TNS1: variants seen among roughly 807,000 people sequenced by gnomAD.
The protein encoded by TNS1 is tensin 1.
A neutral mutation model predicts 168.6 loss-of-function variants in TNS1; 62 were observed. That is an observed-to-expected ratio of 0.37 (90% CI 0.30 to 0.45). The LOEUF (loss-of-function observed/expected upper bound fraction) is 0.45. Ranked by LOEUF, TNS1 falls within the 20% of genes least tolerant of loss-of-function variation. The pLI is 1.00. For synonymous variants in TNS1, 934 were observed against 933.2 expected (o/e 1.00, Z -0.02); for missense variants, 2,240 against 2,339.4 (o/e 0.96, Z 0.88).
chr2:217,863,198 G>A (rs1368991962), intron 18 of TNS1, among the ~76,000 whole-genome samples: 1 of 152,166 alleles, frequency 6.6e-6, no homozygotes, highest in Non-Finnish European at 1.5e-5. Flanking sequence ...AGAACAGAAG[G>A]AGGAAACAGA....
chr2:217,955,224 G>A (rs1034102789), intron 3 of TNS1, among the ~76,000 whole-genome samples: 7 of 152,216 alleles, frequency 4.6e-5, no homozygotes, highest in Non-Finnish European at 7.3e-5. Context: ...CACGCCCGCA[G>A]TGCCAACTGG....
intron 3 of TNS1, among the ~76,000 whole-genome samples, chr2:217,936,194 GTTCA>G (rs201770583): frequency 0.011 from 1,643 of 152,178 alleles, 31 homozygotes; most frequent in African/African-American, 0.037. Context: ...ACTCCTGTTC[GTTCA>G]TTCATTCATT....
chr2:218,016,189 C>A (rs1028953660), intron 1 of TNS1, among the ~76,000 whole-genome samples: 2 of 152,170 alleles, frequency 1.3e-5, no homozygotes, highest in Non-Finnish European at 2.9e-5. Flanking sequence ...GCCCACTGGC[C>A]AGTCTGCTCC....
chr2:217,838,456 CA>C (rs1221472496), intron 19 of TNS1, among the ~76,000 whole-genome samples: 1 of 152,242 alleles, frequency 6.6e-6, no homozygotes, highest in Non-Finnish European at 1.5e-5. Flanking sequence ...CTCTCTCCAT[CA>C]CCACCAGAAT....
At chr2:217,844,624 T>G (rs929104749) in intron 19 of TNS1, among the ~76,000 whole-genome samples, 2 of 152,222 alleles carry the variant, frequency 1.3e-5, no homozygotes, top group African/African-American at 4.8e-5. Flanking sequence ...AAAACCACAC[T>G]TAACACTGCC....
intron 30 of TNS1, among the ~76,000 whole-genome samples, chr2:217,809,224 GATGGATGGATGGATGGATGGATGGATGC>G (rs1939939060): frequency 8.6e-5 from 7 of 81,026 alleles, no homozygotes; most frequent in Admixed American, 1.2e-4. Flanking sequence ...TGCATGGATG[GATGGATGGATGGATGGATGGATGGATGC>G]ATGGATGGAT....
chr2:218,021,035 A>C (rs1958802499), intron 1 of TNS1, among the ~76,000 whole-genome samples: 1 of 152,252 alleles, frequency 6.6e-6, no homozygotes, highest in South Asian at 2.1e-4. Flanking sequence ...TGAGAACAAA[A>C]AAGGCCTTGG....
In TNS1 at chr2:218,032,381, G is replaced by A. The variant is rs1224615389; in HGVS notation, c.156+1439C>T. ...GGAGGCAGCATGACAGGGGAAGGGG[G>A]CGATGTGGCCTGGGTAGGAGAGGGC... On this transcript the variant is annotated intron_variant, in intron 1 of 1. Coordinates refer to the TNS1 transcript ENST00000649572. The surrounding 1 kb of genome is among the most constrained non-coding windows in gnomAD (Gnocchi z 4.0). Among the ~76,000 whole-genome samples the A allele has an allele frequency of 2.0e-5, 3 of 152,172 alleles. No individual in the cohort carries two copies. Among genetic ancestry groups the A allele is most frequent in the African/African-American group, 7.2e-5 (3 of 41,450 alleles).
chr2:217,972,030 A>C (rs2126030896), intron 3 of TNS1, among the ~76,000 whole-genome samples: 1 of 152,338 alleles, frequency 6.6e-6, no homozygotes, highest in South Asian at 2.1e-4. Flanking sequence ...ACCTTACAGG[A>C]AGTAGGAGAA....
chr2:218,025,393 C>T (rs113910609), intron 1 of TNS1, among the ~76,000 whole-genome samples: 6 of 152,088 alleles, frequency 3.9e-5, no homozygotes, highest in African/African-American at 9.7e-5. Flanking sequence ...GTATGACAGG[C>T]GTGCACCACC....
At chr2:217,969,169 C>T (rs894641351) in intron 3 of TNS1, among the ~76,000 whole-genome samples, 2 of 152,176 alleles carry the variant, frequency 1.3e-5, no homozygotes, top group African/African-American at 4.8e-5. Flanking sequence ...TCAGAGAATT[C>T]ACACTTCCCA....
At chr2:217,853,932 T>A (rs1186221523) in intron 18 of TNS1, among the ~76,000 whole-genome samples, 1 of 152,142 alleles carries the variant, frequency 6.6e-6, no homozygotes, top group African/African-American at 2.4e-5. Context: ...TCTCACACAC[T>A]TAAAAAAGAA....
intron 3 of TNS1, among the ~76,000 whole-genome samples, chr2:217,976,340 C>T (rs1957894559): frequency 6.6e-6 from 1 of 152,168 alleles, no homozygotes; most frequent in Non-Finnish European, 1.5e-5. Context: ...GCTATAAAAT[C>T]CACAGTATAG....
chr2:217,947,168 TC>T (rs1957131149), intron 3 of TNS1, among the ~76,000 whole-genome samples: 1 of 142,686 alleles, frequency 7.0e-6, no homozygotes, highest in Admixed American at 6.9e-5. Flanking sequence ...CCTCCCTCCC[TC>T]CCACCCCAAT....
chr2:217,967,681 C>A (rs537313069), intron 3 of TNS1, among the ~76,000 whole-genome samples: 1 of 152,124 alleles, frequency 6.6e-6, no homozygotes, highest in Non-Finnish European at 1.5e-5. Flanking sequence ...AAAAACTACA[C>A]GCAAAGAAAA....
intron 12 of TNS1, chr2:217,890,613 A>T: frequency 3.1e-6 from 1 of 322,720 alleles, no homozygotes; most frequent in African/African-American, 2.1e-5. Flanking sequence ...CCGTAGACTC[A>T]TCCAAGCACT....
chr2:218,020,322 G>A (rs1010954106), intron 1 of TNS1, among the ~76,000 whole-genome samples: 1 of 152,078 alleles, frequency 6.6e-6, no homozygotes, highest in Non-Finnish European at 1.5e-5. Context: ...AGCAAGGAAA[G>A]GGCCAACTCC....
chr2:217,808,374 C>G (rs1388648163), intron 31 of TNS1, among the ~76,000 whole-genome samples: 4 of 152,144 alleles, frequency 2.6e-5, no homozygotes, highest in Admixed American at 6.5e-5. Flanking sequence ...CAGGGCATGG[C>G]AGAGGGGGTA....
At chr2:217,837,256 C>G (rs527661088) in intron 19 of TNS1, among the ~76,000 whole-genome samples, 5 of 152,166 alleles carry the variant, frequency 3.3e-5, no homozygotes, top group Non-Finnish European at 7.3e-5. Flanking sequence ...AGGAATGTGC[C>G]AGTACAGCCA....
Sources: gnomAD v4.1 joint callset for allele counts (sites outside exome capture counted in the v4.1 genomes callset) on GRCh38, gnomAD v4.1.1 for gene constraint, Gnocchi (gnomAD v3.1) non-coding constraint, MANE v1.5 for transcripts, NCBI Gene and HGNC (gene_info 2026-07-23, HGNC 2026-07-21) for gene names.